The following NUB1 variants were observed in gnomAD, a reference collection of about 807,000 sequenced individuals.
The protein encoded by NUB1 is negative regulator of ubiquitin like proteins 1.
A neutral mutation model predicts 77.1 loss-of-function variants in NUB1; 41 were observed. The observed-to-expected ratio is 0.53, with a 90% confidence interval of 0.41 to 0.69. The LOEUF (loss-of-function observed/expected upper bound fraction) is 0.69, where lower values mean the gene tolerates loss of function less well. Among genes scored for constraint, NUB1 ranks in the 30% least tolerant of loss-of-function variants. The pLI, the probability that NUB1 is intolerant of heterozygous loss-of-function variation, is 0.00. For synonymous variants in NUB1, 257 were observed against 281.0 expected (o/e 0.91, Z 0.85); for missense variants, 643 against 743.8 (o/e 0.86, Z 1.58).
chr7:151,342,021 G>T, intron 1 of NUB1, 175 bp downstream of exon 1: 1 of 1,221,272 alleles, frequency 8.2e-7, no homozygotes. Context: ...GGGAGCGGTG[G>T]GCCGGGCTTC....
chr7:151,358,111 G>A (rs991726107), intron 7 of NUB1, among the ~76,000 whole-genome samples: 5 of 150,724 alleles, frequency 3.3e-5, no homozygotes, highest in Non-Finnish European at 7.4e-5. Flanking sequence ...GAGTAGCTGG[G>A]ACTACAGTGC....
intron 3 of NUB1, among the ~76,000 whole-genome samples, chr7:151,350,816 C>T (rs1796759521): frequency 6.6e-6 from 1 of 152,160 alleles, no homozygotes. Flanking sequence ...GTCATAGCAA[C>T]ACTATTCAGT....
At chr7:151,356,093 T>C (rs760013425) in intron 6 of NUB1, 35 bp from the exon 7 acceptor site, 17 of 1,580,820 alleles carry the variant, frequency 1.1e-5, no homozygotes, top group Admixed American at 1.0e-4. Context: ...CTGTTTAACA[T>C]TGAGTTCATG....
intron 11 of NUB1, among the ~76,000 whole-genome samples, chr7:151,370,969 G>A (rs1170618696): frequency 3.3e-5 from 5 of 152,110 alleles, no homozygotes; most frequent in Non-Finnish European, 7.3e-5. Context: ...GTGACCAGCC[G>A]AGAGGCCACA....
intron 3 of NUB1, among the ~76,000 whole-genome samples, chr7:151,350,509 T>C (rs546328958): frequency 1.1e-4 from 17 of 152,254 alleles, no homozygotes; most frequent in Non-Finnish European, 2.2e-4. Flanking sequence ...CTCACACTTG[T>C]CTTCTGGTCA....
chr7:151,351,631 C>T, intron 4 of NUB1, 149 bp downstream of exon 4: 1 of 629,276 alleles, frequency 1.6e-6, no homozygotes, highest in Non-Finnish European at 2.8e-6. Context: ...GGTTGAAGGA[C>T]TTATTAGAGC....
chr7:151,349,379 TTGAAAGTCAATGTTA>T (rs1337784656), intron 3 of NUB1, 139 bp downstream of exon 3: 51 of 750,926 alleles, frequency 6.8e-5, no homozygotes, highest in Non-Finnish European at 1.0e-4. Context: ...ATTTATCAGC[TTGAAAGTCAATGTTA>T]CAAATTCTTA....
intron 7 of NUB1, among the ~76,000 whole-genome samples, chr7:151,359,911 C>T (rs35886370): frequency 0.045 from 6,906 of 152,182 alleles, 622 homozygotes; most frequent in East Asian, 0.34. Context: ...AGCAAAGGGC[C>T]AAGTGCTGGT....
intron 5 of NUB1, among the ~76,000 whole-genome samples, chr7:151,354,945 T>C (rs1295873562): frequency 6.6e-6 from 1 of 152,168 alleles, no homozygotes; most frequent in Admixed American, 6.5e-5. Flanking sequence ...GGGTCCACTG[T>C]GTTGCCCAGG....
chr7:151,342,843 G>GCT (rs949778274), intron 1 of NUB1, among the ~76,000 whole-genome samples: 55 of 152,092 alleles, frequency 3.6e-4, no homozygotes, highest in African/African-American at 1.3e-3. Context: ...TTTTTTATTT[G>GCT]TTTATTTTTT....
intron 12 of NUB1, among the ~76,000 whole-genome samples, chr7:151,375,627 G>A (rs1798181503): frequency 6.6e-6 from 1 of 152,176 alleles, no homozygotes; most frequent in African/African-American, 2.4e-5. Flanking sequence ...CTAACAGAAG[G>A]GATCTTTTCC....
intron 2 of NUB1, among the ~76,000 whole-genome samples, chr7:151,346,286 A>C (rs1005135716): frequency 3.3e-5 from 5 of 152,112 alleles, no homozygotes; most frequent in African/African-American, 4.8e-5. Context: ...TTCTGAATTT[A>C]TTGTTACAGT....
In NUB1 at chr7:151,349,170, C is replaced by T; in HGVS notation, c.215C>T (p.Thr72Ile). The change falls in exon 3 of 15, where the codon ACA (threonine) becomes ATA (isoleucine). Residue 72 changes from threonine (T) to isoleucine (I), a missense_variant. Physicochemically the swap from Thr to Ile is moderately conservative, Grantham distance 89. Transcript: ENST00000568733. ...CGTTGCAAGGCAATTGAGCGTGGAA[C>T]AGGAAATGACAATTATAGAACAACG... ...EIRCKAIERG[T>I]GNDNYRTTGI... 6.2e-7 allele frequency: 1 copy of T among 1,613,262 alleles called. No homozygotes were observed. Among genetic ancestry groups the T allele is most frequent in the African/African-American group, 1.3e-5 (1 of 74,890 alleles).
intron 9 of NUB1, among the ~76,000 whole-genome samples, chr7:151,367,453 C>G (rs774442171): frequency 2.0e-5 from 3 of 152,180 alleles, no homozygotes; most frequent in Non-Finnish European, 2.9e-5. Context: ...AGAAAATAGA[C>G]ATTTCAGCAG....
Position 151,376,675 on chromosome 7 carries a change from G to A in NUB1, c.1533G>A (p.Ala511=), listed in dbSNP as rs745961599. ...MGFDALVAEA[A]LRVFRGNVQL... is the part of the protein sequence containing the mutation. ...TTGATGCACTCGTGGCCGAAGCTGC[G>A]CTGAGAGTGTTCAGAGGCAACGTCC... is the stretch of plus-strand genomic sequence containing the variant. The change falls in exon 14 of 15, where the codon GCG becomes GCA. Residue 511 remains alanine, a synonymous_variant. Coordinates refer to ENST00000568733, the MANE Select transcript of NUB1 (RefSeq NM_001243351.2). 25 of 1,611,276 alleles carry A rather than the reference G, an allele frequency of 1.6e-5. No individual in the cohort carries two copies. Among genetic ancestry groups the A allele is most frequent in the East Asian group, 4.5e-5 (2 of 44,810 alleles).
chr7:151,368,335 G>A (rs1382615559), intron 10 of NUB1, among the ~76,000 whole-genome samples: 2 of 152,186 alleles, frequency 1.3e-5, no homozygotes, highest in Non-Finnish European at 2.9e-5. Flanking sequence ...GCAGGCCACT[G>A]GAGAGATGAC....
chr7:151,364,085 C>T lies in NUB1; in HGVS notation c.801-2854C>T, dbSNP rs184941767. Reference sequence around the variant, plus strand: ...CTGGGATTACAGGTGTGAGCCACCGCGCCTGGCCTAAAATTTTTATGTTAA... The same window carrying T: ...CTGGGATTACAGGTGTGAGCCACCGTGCCTGGCCTAAAATTTTTATGTTAA... On this transcript the variant is annotated intron_variant, in intron 8 of 14. Transcript: ENST00000568733. Among the ~76,000 whole-genome samples, 159 of 151,082 alleles carry T rather than the reference C, an allele frequency of 1.1e-3. 1 individual carries two copies. The highest frequency in any genetic ancestry group is 3.0e-3 in the African/African-American group (124 of 41,334).
At chr7:151,364,485 T>C (rs1797555355) in intron 8 of NUB1, among the ~76,000 whole-genome samples, 1 of 152,008 alleles carries the variant, frequency 6.6e-6, no homozygotes, top group South Asian at 2.1e-4. Flanking sequence ...ATAATAAATT[T>C]CTGTTAAATA....
intron 11 of NUB1, among the ~76,000 whole-genome samples, chr7:151,373,122 G>A (rs939772464): frequency 6.6e-6 from 1 of 152,162 alleles, no homozygotes; most frequent in Non-Finnish European, 1.5e-5. Context: ...CCTGGGCTGG[G>A]CAGGAGGCAG....
Sources: gnomAD v4.1 joint callset for allele counts (sites outside exome capture counted in the v4.1 genomes callset) on GRCh38, gnomAD v4.1.1 for gene constraint, MANE v1.5 for transcripts, NCBI Gene and HGNC (gene_info 2026-07-23, HGNC 2026-07-21) for gene names.